PTPRD: variants seen among roughly 807,000 people sequenced by gnomAD.
PTPRD encodes protein tyrosine phosphatase receptor type D.
Under a neutral mutation model 214.5 loss-of-function variants are expected in PTPRD, and 34 were observed. The ratio of observed to expected loss-of-function variants is 0.16; its 90% CI spans 0.12 to 0.21. The LOEUF (loss-of-function observed/expected upper bound fraction) is 0.21. PTPRD is among the 10% of genes least tolerant of loss of function. PTPRD has a pLI of 1.00. For missense variants in PTPRD, 2,545 were observed against 2,398.7 expected, an observed-to-expected ratio of 1.06 and a Z score of -1.27; for synonymous variants, 1,128 against 845.7, an observed-to-expected ratio of 1.33 and a Z score of -5.79.
intron 11 of PTPRD, among the ~76,000 whole-genome samples, chr9:8,801,871 G>A (rs1600244843): frequency 6.6e-6 from 1 of 152,050 alleles, no homozygotes; most frequent in East Asian, 1.9e-4. Context: ...ACAGTTATTT[G>A]CATACTGTAC....
At chr9:8,474,151 C>T (rs756867818) in intron 30 of PTPRD, among the ~76,000 whole-genome samples, 52 of 152,122 alleles carry the variant, frequency 3.4e-4, no homozygotes, top group Non-Finnish European at 6.2e-4. Context: ...CTTCCCATCG[C>T]TTCCTGCAGG....
chr9:8,426,515 C>G (rs1167829067), intron 35 of PTPRD, among the ~76,000 whole-genome samples: 3 of 152,180 alleles, frequency 2.0e-5, no homozygotes, highest in Admixed American at 6.5e-5. Flanking sequence ...GAAGCAGAGA[C>G]AGAGTTGTTT....
chr9:8,558,291 T>G (rs1194693799), intron 14 of PTPRD, among the ~76,000 whole-genome samples: 1 of 152,218 alleles, frequency 6.6e-6, no homozygotes, highest in Non-Finnish European at 1.5e-5. Context: ...TCCTTTATGT[T>G]TTTCATTCAG....
chr9:9,226,570 G>A (rs1440687313), intron 9 of PTPRD, among the ~76,000 whole-genome samples: 4 of 151,964 alleles, frequency 2.6e-5, no homozygotes, highest in South Asian at 2.1e-4. Flanking sequence ...AAAAATGTGG[G>A]AAAGAGGAAG....
chr9:9,403,252 C>G (rs1323104661), intron 8 of PTPRD, among the ~76,000 whole-genome samples: 3 of 123,008 alleles, frequency 2.4e-5, no homozygotes, highest in South Asian at 2.7e-4. Flanking sequence ...CATTGTGCCA[C>G]TATACTCCAG....
At position 10,431,819 on chromosome 9, in the gene PTPRD, G is replaced by C. The variant is rs561771717; in HGVS notation, c.-599-90802C>G. On this transcript the variant is annotated intron_variant, in intron 2 of 45. Transcript: ENST00000381196. ...TGGAGAGGATGTGGAGAAATAGGAA[G>C]ACTTTTACACTGTTGGTGGGACTGT... is the stretch of plus-strand genomic sequence containing the variant. 2.9e-3 allele frequency among the ~76,000 whole-genome samples: 437 copies of C among 152,014 alleles called. 1 individual carries two copies. The highest frequency in any genetic ancestry group is 9.2e-3 in the African/African-American group (384 of 41,514).
chr9:9,851,540 A>C (rs1030426162), intron 5 of PTPRD, among the ~76,000 whole-genome samples: 1 of 152,266 alleles, frequency 6.6e-6, no homozygotes, highest in African/African-American at 2.4e-5. Context: ...ATATTGAATT[A>C]CATTATTTAC....
chr9:9,927,740 T>C (rs2084849820), intron 5 of PTPRD, among the ~76,000 whole-genome samples: 1 of 152,174 alleles, frequency 6.6e-6, no homozygotes, highest in Non-Finnish European at 1.5e-5. Flanking sequence ...TGTTCATAGA[T>C]TCTTAATATT....
chr9:8,511,498 T>A (rs2097681750), intron 21 of PTPRD, among the ~76,000 whole-genome samples: 2 of 152,140 alleles, frequency 1.3e-5, no homozygotes, highest in South Asian at 4.1e-4. Context: ...TTTATTTTAT[T>A]CAAGAGTTTT....
At chr9:9,072,706 C>T (rs2099745550) in intron 10 of PTPRD, among the ~76,000 whole-genome samples, 1 of 152,108 alleles carries the variant, frequency 6.6e-6, no homozygotes, top group South Asian at 2.1e-4. Flanking sequence ...CGTCATTTTG[C>T]ACATGGGAAA....
intron 2 of PTPRD, among the ~76,000 whole-genome samples, chr9:10,543,455 T>C (rs1162954019): frequency 6.8e-6 from 1 of 147,388 alleles, no homozygotes; most frequent in Non-Finnish European, 1.5e-5. Flanking sequence ...ACTCTACCAG[T>C]TTGAAGAGTT....
At chr9:9,292,455 T>A (rs896949447) in intron 9 of PTPRD, among the ~76,000 whole-genome samples, 9 of 150,578 alleles carry the variant, frequency 6.0e-5, no homozygotes, top group East Asian at 2.0e-4. Context: ...GTATTTTTTT[T>A]AAATAAACTT....
intron 11 of PTPRD, among the ~76,000 whole-genome samples, chr9:8,814,690 C>A (rs2096884633): frequency 6.6e-6 from 1 of 152,144 alleles, no homozygotes; most frequent in Non-Finnish European, 1.5e-5. Context: ...ATGCGATGAT[C>A]CAAGTATAAC....
chr9:8,934,423 A>ATATATATAAATATATATATAAATT lies in PTPRD; in HGVS notation c.-104+84273_-104+84274insAATTTATATATATATTTATATATA, dbSNP rs1567096825. ...TGTGTGTGTGTGTGTGTGTGTGTGT[A>ATATATATAAATATATATATAAATT]TATATATATATAAATATATATATAA... is the stretch of plus-strand genomic sequence containing the variant. On this transcript the variant is annotated intron_variant, in intron 11 of 45. Coordinates refer to ENST00000381196, the MANE Select transcript of PTPRD (RefSeq NM_002839.4). Among the ~76,000 whole-genome samples the ATATATATAAATATATATATAAATT allele has an allele frequency of 5.7e-4, 34 of 60,040 alleles. 1 individual carries two copies. The highest frequency in any genetic ancestry group is 5.4e-3 in the East Asian group (6 of 1,102). 39.4% of individuals were successfully genotyped at this position (60,040 alleles called of 152,430 possible).
intron 11 of PTPRD, among the ~76,000 whole-genome samples, chr9:9,012,164 C>A (rs1018869099): frequency 6.6e-6 from 1 of 152,122 alleles, no homozygotes; most frequent in Non-Finnish European, 1.5e-5. Flanking sequence ...AAAGCCAAAG[C>A]CCTCAGTCTT....
intron 12 of PTPRD, among the ~76,000 whole-genome samples, chr9:8,731,003 A>G (rs2098651570): frequency 6.6e-6 from 1 of 152,226 alleles, no homozygotes; most frequent in Non-Finnish European, 1.5e-5. Context: ...AATAGTGGAT[A>G]TACAAGGCAT....
chr9:10,230,436 G>GTGTC (rs199914356), intron 3 of PTPRD, among the ~76,000 whole-genome samples: 11,950 of 140,716 alleles, frequency 0.085, 707 homozygotes, highest in East Asian at 0.22. Flanking sequence ...ATGTATCTAT[G>GTGTC]TATCTATCTA....
In PTPRD at chr9:8,766,957, G is replaced by A. The variant is rs536135036; in HGVS notation, c.-103-33011C>T. ...TAGTTTTCAAGAACCTATCAACAAT[G>A]TTAAGTGAGGACTTACTGTATATGT... On this transcript the variant is annotated intron_variant, in intron 11 of 45. Coordinates refer to ENST00000381196, the MANE Select transcript of PTPRD (RefSeq NM_002839.4). 7.9e-5 allele frequency among the ~76,000 whole-genome samples: 12 copies of A among 152,232 alleles called. No individual in the cohort carries two copies. The South Asian group carries it at 2.3e-3, about 29-fold the overall frequency.
At chr9:8,698,414 A>T (rs1470942918) in intron 12 of PTPRD, among the ~76,000 whole-genome samples, 1 of 152,226 alleles carries the variant, frequency 6.6e-6, no homozygotes, top group Non-Finnish European at 1.5e-5. Context: ...AGAAAGGATT[A>T]CTGTTAACTG....
Sources: allele counts gnomAD v4.1 joint callset (sites outside exome capture counted in the v4.1 genomes callset), GRCh38; gene constraint gnomAD v4.1.1; transcripts MANE v1.5; gene names NCBI Gene and HGNC (gene_info 2026-07-23, HGNC 2026-07-21).